PRR5L: variants seen among roughly 807,000 people sequenced by gnomAD.
PRR5L encodes proline rich 5 like, also known as proline-rich protein 5-like.
A neutral mutation model predicts 36.4 loss-of-function variants in PRR5L; 21 were observed. The observed-to-expected ratio is 0.58, with a 90% CI of 0.41 to 0.83. The LOEUF is 0.83. Ranked by LOEUF, PRR5L falls within the 40% of genes least tolerant of loss-of-function variation. The pLI, the probability that PRR5L is intolerant of heterozygous loss-of-function variation, is 0.00. For missense variants in PRR5L, 381 were observed against 473.3 expected (o/e 0.80, Z 1.81); for synonymous variants, 188 against 197.0 (o/e 0.95, Z 0.38).
intron 1 of PRR5L, among the ~76,000 whole-genome samples, chr11:36,304,529 T>C (rs1489859547): frequency 6.6e-6 from 1 of 152,260 alleles, no homozygotes; most frequent in Non-Finnish European, 1.5e-5. Flanking sequence ...GTCTTGGAGC[T>C]CATTCTGTGT....
chr11:36,412,795 C>A (rs1484276940), intron 3 of PRR5L, among the ~76,000 whole-genome samples: 2 of 152,008 alleles, frequency 1.3e-5, no homozygotes, highest in African/African-American at 4.8e-5. Flanking sequence ...GAGAGTGGCC[C>A]AGATCACTCT....
chr11:36,410,325 G>A (rs1020210827), intron 3 of PRR5L, among the ~76,000 whole-genome samples: 1 of 152,162 alleles, frequency 6.6e-6, no homozygotes, highest in African/African-American at 2.4e-5. Context: ...AGCCTGTCAG[G>A]GGAGCTGAGG....
At chr11:36,340,249 T>A (rs573537240) in intron 1 of PRR5L, among the ~76,000 whole-genome samples, 2 of 152,334 alleles carry the variant, frequency 1.3e-5, no homozygotes, top group African/African-American at 4.8e-5. Context: ...AAGTCTGGAT[T>A]TTTAGTTTCT....
intron 8 of PRR5L, among the ~76,000 whole-genome samples, chr11:36,453,154 G>A (rs1164706296): frequency 2.0e-5 from 3 of 152,184 alleles, no homozygotes; most frequent in African/African-American, 7.2e-5. Flanking sequence ...GTCTTCAGTG[G>A]TTAACCTTTG....
chr11:36,301,278 A>G (rs188798937), intron 1 of PRR5L, among the ~76,000 whole-genome samples: 18 of 152,250 alleles, frequency 1.2e-4, no homozygotes, highest in Non-Finnish European at 2.1e-4. Flanking sequence ...AGGGCCACAG[A>G]AGGGTCTGAA....
chr11:36,447,035 T>C (rs1408385499), intron 7 of PRR5L, among the ~76,000 whole-genome samples: 1 of 152,240 alleles, frequency 6.6e-6, no homozygotes, highest in African/African-American at 2.4e-5. Flanking sequence ...TCACAGCTGA[T>C]GTGCTTCCAG....
intron 1 of PRR5L, among the ~76,000 whole-genome samples, chr11:36,357,402 A>G (rs1383993334): frequency 6.6e-6 from 1 of 152,236 alleles, no homozygotes; most frequent in South Asian, 2.1e-4. Context: ...CAGATTTTCA[A>G]TGTAGGCAAA....
At chr11:36,324,692 C>A (rs1856643054) in intron 1 of PRR5L, among the ~76,000 whole-genome samples, 1 of 152,018 alleles carries the variant, frequency 6.6e-6, no homozygotes, top group Non-Finnish European at 1.5e-5. Context: ...AGAATTTTAA[C>A]ATATTCTTTT....
Position 36,411,412 on chromosome 11 carries a change from C to T in PRR5L, c.246-7843C>T, listed in dbSNP as rs114906287. 4.3e-3 allele frequency among the ~76,000 whole-genome samples: 657 copies of T among 152,254 alleles called. 3 individuals are homozygous for T. The highest frequency in any genetic ancestry group is 0.015 in the African/African-American group (617 of 41,534). On this transcript the variant is annotated intron_variant, in intron 3 of 8. Transcript: ENST00000530639. Reference sequence around the variant, plus strand: ...TGGGGTGGTGTCTCAGCTGGTCAGCCTGGGAGGGAGAAAGGGTGAGATAAT... The same window carrying T: ...TGGGGTGGTGTCTCAGCTGGTCAGCTTGGGAGGGAGAAAGGGTGAGATAAT...
chr11:36,331,068 A>T (rs1590448649), intron 1 of PRR5L, among the ~76,000 whole-genome samples: 1 of 152,268 alleles, frequency 6.6e-6, no homozygotes, highest in African/African-American at 2.4e-5. Flanking sequence ...GGCCTCCTAA[A>T]GTGCTGGGAT....
intron 1 of PRR5L, among the ~76,000 whole-genome samples, chr11:36,391,804 G>A (rs1857568664): frequency 6.6e-6 from 1 of 152,124 alleles, no homozygotes; most frequent in Admixed American, 6.5e-5. Flanking sequence ...ATCACTTCAA[G>A]CATTTCTCCT....
At chr11:36,410,953 G>T (rs1170650655) in intron 3 of PRR5L, among the ~76,000 whole-genome samples, 2 of 152,206 alleles carry the variant, frequency 1.3e-5, no homozygotes, top group African/African-American at 4.8e-5. Context: ...GGTCTGGGCG[G>T]ATCTCACCAA....
At position 36,465,026 on chromosome 11, in the gene PRR5L, T is replaced by C. The variant is rs1256816977; in HGVS notation, c.*2290T>C. 2.0e-5 allele frequency: 3 copies of C among 152,216 alleles called. No homozygotes were observed. Among genetic ancestry groups the C allele is most frequent in the Non-Finnish European group, 4.4e-5 (3 of 68,034 alleles). 9.4% of individuals were successfully genotyped at this position (152,216 alleles called of 1,614,324 possible). A position where few individuals can be genotyped will look rare whatever the true frequency, so the allele number is the denominator to read the frequency against. On this transcript the variant is annotated 3_prime_UTR_variant, in exon 9 of 9. Transcript: ENST00000530639. ...ATCAGAGAGCTATTGGAGTGAGAGCTGAGGTGTCCTTAACCACTTTTTCTC... is the reference window on the plus strand; with the variant it reads ...ATCAGAGAGCTATTGGAGTGAGAGCCGAGGTGTCCTTAACCACTTTTTCTC...
chr11:36,417,274 C>T (rs887057124), intron 3 of PRR5L, among the ~76,000 whole-genome samples: 1 of 152,124 alleles, frequency 6.6e-6, no homozygotes, highest in South Asian at 2.1e-4. Context: ...TGAGACTTCC[C>T]AAGGATGACG....
At position 36,344,533 on chromosome 11, in the gene PRR5L, A is replaced by T. The variant is rs1038051210; in HGVS notation, c.-126+48095A>T. Among the ~76,000 whole-genome samples the T allele has an allele frequency of 6.6e-6, 1 of 152,218 alleles. No individual in the cohort carries two copies. Among genetic ancestry groups the T allele is most frequent in the Non-Finnish European group, 1.5e-5 (1 of 68,026 alleles). On this transcript the variant is annotated intron_variant, in intron 1 of 8. Coordinates refer to ENST00000530639, the MANE Select transcript of PRR5L (RefSeq NM_001160167.2). The surrounding 1 kb of genome is among the most constrained non-coding windows in gnomAD (Gnocchi z 4.1). The stretch of plus-strand genomic sequence containing the variant: ...TTCATTTGTACTTTTGCTATTGTCA[A>T]TAACAACAAAACGGCCATCTCTGAA...
chr11:36,329,006 G>A (rs1253124434), intron 1 of PRR5L: 1 of 152,264 alleles, frequency 6.6e-6, no homozygotes, highest in African/African-American at 2.4e-5. Flanking sequence ...GCCTTTATGT[G>A]CTGGAAACCA....
At chr11:36,405,247 G>C (rs1279901282) in intron 3 of PRR5L, among the ~76,000 whole-genome samples, 1 of 152,230 alleles carries the variant, frequency 6.6e-6, no homozygotes, top group East Asian at 1.9e-4. Context: ...TCTGTCAAAA[G>C]AGGATTACCC....
chr11:36,367,665 C>T (rs953087764), intron 1 of PRR5L, among the ~76,000 whole-genome samples: 1 of 152,170 alleles, frequency 6.6e-6, no homozygotes, highest in Non-Finnish European at 1.5e-5. Flanking sequence ...CCCTGGACCC[C>T]ACTATCTCAA....
chr11:36,352,286 T>A (rs1448834916), intron 1 of PRR5L, among the ~76,000 whole-genome samples: 1 of 152,178 alleles, frequency 6.6e-6, no homozygotes, highest in Non-Finnish European at 1.5e-5. Context: ...ATTTGTTTTT[T>A]GTTTTTTGTT....
Sources: allele counts gnomAD v4.1 joint callset (sites outside exome capture counted in the v4.1 genomes callset), GRCh38; gene constraint gnomAD v4.1.1; non-coding constraint Gnocchi (gnomAD v3.1); transcripts MANE v1.5; gene names NCBI Gene and HGNC (gene_info 2026-07-23, HGNC 2026-07-21).